Variants in HERC2 observed in about 807,000 individuals in gnomAD.
The protein encoded by HERC2 is E3 ubiquitin-protein ligase HERC2.
In HERC2, 102 loss-of-function variants were observed where a neutral mutation model predicts 537.7. The ratio of observed to expected loss-of-function variants is 0.19; its 90% confidence interval spans 0.16 to 0.22. HERC2 has a LOEUF of 0.22. Among genes scored for constraint, HERC2 ranks in the 10% least tolerant of loss-of-function variants. HERC2 has a pLI of 1.00. For synonymous variants in HERC2, 2,224 were observed against 2,466.2 expected (o/e 0.90, Z 2.91); for missense variants, 4,236 against 6,198.2 (o/e 0.68, Z 10.63).
chr15:28,289,344 G>A (rs2076248185), intron 4 of HERC2, among the ~76,000 whole-genome samples: 1 of 152,002 alleles, frequency 6.6e-6, no homozygotes, highest in African/African-American at 2.4e-5. Flanking sequence ...TGTCACTGGA[G>A]ATAAAGGGGG....
intron 2 of HERC2, among the ~76,000 whole-genome samples, chr15:28,308,187 A>G (rs945966265): frequency 1.3e-5 from 2 of 152,206 alleles, no homozygotes; most frequent in African/African-American, 4.8e-5. Flanking sequence ...ATCCATGAAG[A>G]TGAAATATTT....
At chr15:28,167,351 A>C (rs1221373268) in intron 68 of HERC2, among the ~76,000 whole-genome samples, 1 of 152,212 alleles carries the variant, frequency 6.6e-6, no homozygotes, top group African/African-American at 2.4e-5. Context: ...TTCCACACTG[A>C]AGACTAAAGA....
chr15:28,220,385 T>A (rs1481422402), intron 37 of HERC2, 67 bp downstream of exon 37: 2 of 1,393,490 alleles, frequency 1.4e-6, no homozygotes, highest in Non-Finnish European at 2.0e-6. Context: ...CAGATGACAG[T>A]GGTGGCAGCC....
intron 4 of HERC2, among the ~76,000 whole-genome samples, chr15:28,286,478 C>T (rs573694321): frequency 2.6e-5 from 4 of 152,174 alleles, no homozygotes; most frequent in African/African-American, 7.2e-5. Context: ...TCAATGTAAC[C>T]CACCCTATTA....
intron 55 of HERC2, chr15:28,190,173 T>TA (rs1896712209): frequency 6.9e-6 from 1 of 145,276 alleles, no homozygotes; most frequent in South Asian, 2.2e-4. Context: ...TACGCCCGGC[T>TA]AATTTTTTTT....
chr15:28,294,136 C>A lies in HERC2; in HGVS notation c.188-1114G>T, dbSNP rs570785204. ...TGGACTTTTGCACCAAGTAATTCTC[C>A]AGTTCTCTGCGACATCCAGCTGTGT... On this transcript the variant is annotated intron_variant, in intron 3 of 92. Coordinates refer to ENST00000261609, the MANE Select transcript of HERC2 (RefSeq NM_004667.6). Among the ~76,000 whole-genome samples the A allele has an allele frequency of 1.2e-4, 19 of 152,312 alleles. No homozygotes were observed. In the South Asian group the frequency reaches 3.9e-3, roughly 32 times the overall value.
At chr15:28,311,236 G>T (rs1248838105) in intron 2 of HERC2, among the ~76,000 whole-genome samples, 1 of 151,764 alleles carries the variant, frequency 6.6e-6, no homozygotes, top group South Asian at 2.1e-4. Flanking sequence ...AGGCCGAGGT[G>T]GGCAGACTGC....
At chr15:28,195,236 T>C (rs983981535) in intron 52 of HERC2, among the ~76,000 whole-genome samples, 60 of 152,048 alleles carry the variant, frequency 3.9e-4, no homozygotes, top group Non-Finnish European at 5.9e-5. Flanking sequence ...TAAAAATGTA[T>C]ATAACATATG....
In HERC2 at chr15:28,220,620, G is replaced by A. The variant is rs1218438088; in HGVS notation, c.5677C>T (p.Arg1893Cys). The part of the protein sequence containing the change: ...DQDGPPPGLG[R>C]VIGELGEDGW... ...TCCTCTCCCAGCTCACCAATCACGC[G>A]GCCTAGGCCTGGAGGAGGCCCATCC... Residue 1893 changes from arginine (R) to cysteine (C), a missense_variant, in exon 37 of 93, where the codon CGC becomes TGC. Transcript: ENST00000261609. The A allele has an allele frequency of 2.4e-5, 38 of 1,603,980 alleles. No individual in the cohort carries two copies. Among genetic ancestry groups the A allele is most frequent in the African/African-American group, 2.7e-5 (2 of 74,876 alleles).
intron 79 of HERC2, 41 bp downstream of exon 79, chr15:28,135,436 CA>C (rs1341356402): frequency 1.3e-6 from 2 of 1,509,780 alleles, no homozygotes; most frequent in African/African-American, 1.4e-5. Context: ...CAAACAAAAA[CA>C]AAGACAAATA....
intron 45 of HERC2, among the ~76,000 whole-genome samples, chr15:28,204,854 C>T (rs1182503832): frequency 2.0e-5 from 3 of 152,102 alleles, no homozygotes; most frequent in African/African-American, 4.8e-5. Context: ...CTATTAAAAT[C>T]GTAAAAGGAA....
chr15:28,171,916 T>C (rs1566968197), intron 65 of HERC2, among the ~76,000 whole-genome samples: 1 of 151,662 alleles, frequency 6.6e-6, no homozygotes, highest in African/African-American at 2.4e-5. Flanking sequence ...CTACTAAAAA[T>C]ACAAAAAAAT....
chr15:28,247,664 G>A (rs1903855919), intron 21 of HERC2, among the ~76,000 whole-genome samples: 1 of 152,078 alleles, frequency 6.6e-6, no homozygotes, highest in Admixed American at 6.5e-5. Context: ...TCCTGACCTT[G>A]TGATCCGCCC....
Position 28,255,923 on chromosome 15 carries a change from A to G in HERC2, c.2820T>C (p.Ala940=). The change falls in exon 19 of 93, where the codon GCT becomes GCC. Residue 940 remains alanine, a synonymous_variant. Transcript: ENST00000261609. ...GTAAGGCTGACTCCAACCCTCCATC[A>G]GCCATCAAGCTGCCCACCAGAAGAT... ...MIDLLVGSLM[A]DGGLESALHA... 3 of 1,604,256 alleles carry G rather than the reference A, an allele frequency of 1.9e-6. No homozygotes were observed. Among genetic ancestry groups the G allele is most frequent in the South Asian group, 1.1e-5 (1 of 91,066 alleles).
At chr15:28,201,067 C>T (rs1897860271) in intron 48 of HERC2, among the ~76,000 whole-genome samples, 1 of 148,664 alleles carries the variant, frequency 6.7e-6, no homozygotes, top group African/African-American at 2.5e-5. Context: ...GCCACTTGTG[C>T]TCTCCGGCTG....
chr15:28,160,495 A>C (rs934561641), intron 69 of HERC2, among the ~76,000 whole-genome samples: 4 of 152,184 alleles, frequency 2.6e-5, no homozygotes, highest in Admixed American at 6.5e-5. Context: ...CTGTGCTAGC[A>C]ATGAGCGAGG....
chr15:28,310,440 A>G (rs1326317606), intron 2 of HERC2, among the ~76,000 whole-genome samples: 3 of 152,182 alleles, frequency 2.0e-5, no homozygotes, highest in Non-Finnish European at 2.9e-5. Flanking sequence ...GCAAGACCCT[A>G]TCAAAAAAAA....
chr15:28,220,293 G>A (rs1435407516), intron 37 of HERC2, among the ~76,000 whole-genome samples, 159 bp downstream of exon 37: 1 of 152,214 alleles, frequency 6.6e-6, no homozygotes, highest in Non-Finnish European at 1.5e-5. Context: ...TGCATCGGAG[G>A]TGCCTGGGAG....
intron 15 of HERC2, among the ~76,000 whole-genome samples, chr15:28,262,495 A>T (rs2075440965): frequency 6.6e-6 from 1 of 152,200 alleles, no homozygotes; most frequent in African/African-American, 2.4e-5. Flanking sequence ...GGATGAGTTC[A>T]CATGAGGGTG....
Sources: allele counts gnomAD v4.1 joint callset (sites outside exome capture counted in the v4.1 genomes callset), GRCh38; gene constraint gnomAD v4.1.1; transcripts MANE v1.5; gene names NCBI Gene and HGNC (gene_info 2026-07-23, HGNC 2026-07-21).